The following BCL2L1 variants were observed in gnomAD, a reference collection of about 807,000 sequenced individuals.
BCL2L1 encodes bcl-2-like protein 1.
Under a neutral mutation model 18.7 loss-of-function variants are expected in BCL2L1, and 1 was observed. That is an observed-to-expected ratio of 0.05 (90% confidence interval 0.02 to 0.25). The LOEUF is 0.25. Ranked by LOEUF, BCL2L1 falls within the 10% of genes least tolerant of loss-of-function variation. BCL2L1 has a pLI of 1.00. For synonymous variants in BCL2L1, 103 were observed against 122.7 expected, an observed-to-expected ratio of 0.84 and a Z score of 1.06; for missense variants, 207 against 304.9, an observed-to-expected ratio of 0.68 and a Z score of 2.39.
chr20:31,708,831 G>T (rs1437396671), intron 2 of BCL2L1, among the ~76,000 whole-genome samples: 1 of 152,160 alleles, frequency 6.6e-6, no homozygotes, highest in East Asian at 1.9e-4. Flanking sequence ...GCCTACCTAG[G>T]GTACCCTTCC....
At chr20:31,723,412 G>A, upstream of BCL2L1, 2 of 985,510 alleles carry the variant, frequency 2.0e-6, no homozygotes, top group Non-Finnish European at 2.4e-6. Flanking sequence ...TTTTCCTGGG[G>A]ACAGGCCCAA....
chr20:31,716,236 G>A (rs1417406396), intron 2 of BCL2L1, among the ~76,000 whole-genome samples: 1 of 152,118 alleles, frequency 6.6e-6, no homozygotes, highest in Non-Finnish European at 1.5e-5. Flanking sequence ...ACCTAGAAGG[G>A]TAGAGGAAAG....
intron 2 of BCL2L1, among the ~76,000 whole-genome samples, chr20:31,703,916 G>C (rs993376106): frequency 3.3e-5 from 5 of 150,520 alleles, no homozygotes; most frequent in African/African-American, 1.2e-4. Flanking sequence ...TCCTGCCTCA[G>C]CCTCCCAAGT....
At chr20:31,668,327 T>G (rs1157784366) in intron 2 of BCL2L1, among the ~76,000 whole-genome samples, 2 of 151,988 alleles carry the variant, frequency 1.3e-5, no homozygotes, top group African/African-American at 4.8e-5. Flanking sequence ...TTCTCAGTTT[T>G]TTTTTTTTTT....
intron 2 of BCL2L1, among the ~76,000 whole-genome samples, chr20:31,709,401 G>A (rs112151899): frequency 0.055 from 8,391 of 152,006 alleles, 274 homozygotes; most frequent in Middle Eastern, 0.11. Flanking sequence ...TCCCTCTGTC[G>A]CCCAAGCTGG....
chr20:31,705,081 C>A lies in BCL2L1; in HGVS notation c.564+16574G>T, dbSNP rs370209352. Among the ~76,000 whole-genome samples the A allele has an allele frequency of 1.0e-3, 155 of 152,288 alleles. 3 individuals carry two copies. In the South Asian group the frequency reaches 0.031, roughly 31 times the overall value. ...TAGGGCCTTCCTTATCCAGGTAGGA[C>A]AAGTTGGCTTTGGAGCCAGACTACC... On this transcript the variant is annotated intron_variant, in intron 2 of 2. Transcript: ENST00000307677.
chr20:31,721,871 T>C lies in BCL2L1; in HGVS notation c.348A>G (p.Pro116=), dbSNP rs369606077. 3.7e-5 allele frequency: 60 copies of C among 1,614,098 alleles called. No homozygotes were observed. The highest frequency in any genetic ancestry group is 7.7e-5 in the South Asian group (7 of 91,090). ...GTTCAAAGCTCTGATATGCTGTCCC[T>C]GGGGTGATGTGGAGCTGGGATGTCA... ...SDLTSQLHIT[P]GTAYQSFEQV... Residue 116 remains proline, a synonymous_variant, in exon 2 of 3, where the codon CCA becomes CCG. Coordinates refer to ENST00000307677, the MANE Select transcript of BCL2L1 (RefSeq NM_138578.3).
chr20:31,695,184 C>T (rs547754416), intron 2 of BCL2L1, among the ~76,000 whole-genome samples: 4 of 152,360 alleles, frequency 2.6e-5, no homozygotes, highest in Admixed American at 1.3e-4. Context: ...GTATAAACTG[C>T]TGTTATCACC....
intron 2 of BCL2L1, among the ~76,000 whole-genome samples, chr20:31,685,956 C>T (rs995649483): frequency 5.3e-5 from 8 of 152,132 alleles, no homozygotes; most frequent in East Asian, 1.9e-4. Flanking sequence ...TATTATTATG[C>T]CTCCCTTACA....
intron 2 of BCL2L1, chr20:31,721,000 C>T (rs1015397871): frequency 1.0e-5 from 10 of 984,724 alleles, no homozygotes; most frequent in Non-Finnish European, 1.2e-5. Context: ...TGCAGAAAGT[C>T]GCACACTTTG....
At chr20:31,723,142 C>A, upstream of BCL2L1, 1 of 271,244 alleles carries the variant, frequency 3.7e-6, no homozygotes. Context: ...GATCTGCAAT[C>A]TGACTTTGGG....
intron 2 of BCL2L1, among the ~76,000 whole-genome samples, chr20:31,712,304 T>C (rs894964837): frequency 1.3e-5 from 2 of 152,078 alleles, no homozygotes; most frequent in African/African-American, 4.8e-5. Context: ...TCTTACTAAC[T>C]GTGCTACTTT....
chr20:31,688,447 A>T (rs1414696808), intron 2 of BCL2L1, among the ~76,000 whole-genome samples: 1 of 143,462 alleles, frequency 7.0e-6, no homozygotes, highest in African/African-American at 2.8e-5. Context: ...CTGTCTCCAA[A>T]AAAAAAAAAA....
intron 2 of BCL2L1, among the ~76,000 whole-genome samples, chr20:31,689,652 T>C (rs984560969): frequency 6.6e-6 from 1 of 151,466 alleles, no homozygotes; most frequent in Non-Finnish European, 1.5e-5. Flanking sequence ...GACCACTTTA[T>C]CAGGAACTCC....
intron 2 of BCL2L1, among the ~76,000 whole-genome samples, chr20:31,697,624 A>G (rs910806708): frequency 6.6e-6 from 1 of 151,958 alleles, no homozygotes; most frequent in African/African-American, 2.4e-5. Context: ...TTTTTAGTAG[A>G]GACGGGGTTT....
intron 2 of BCL2L1, among the ~76,000 whole-genome samples, chr20:31,683,598 G>A (rs1466156632): frequency 2.0e-5 from 3 of 151,666 alleles, no homozygotes; most frequent in Non-Finnish European, 4.4e-5. Context: ...GTGAAACCCC[G>A]TCTCTACTAA....
Position 31,664,761 on chromosome 20 carries a change from T to C in BCL2L1, c.*1188A>G, listed in dbSNP as rs1439613768. On this transcript the variant is annotated 3_prime_UTR_variant, in exon 3 of 3. Transcript: ENST00000307677. ...AAGGAATAAAAACTAGTCTCAAATA[T>C]GTACAGCAGAGAGCCCGGGGTGGCT... 4.5e-6 allele frequency: 1 copy of C among 220,290 alleles called. No homozygotes were observed. Among genetic ancestry groups the C allele is most frequent in the Non-Finnish European group, 9.1e-6 (1 of 109,488 alleles). The allele number at this position is 220,290 out of a possible 1,614,324, so 13.6% of individuals were successfully genotyped here.
intron 2 of BCL2L1, among the ~76,000 whole-genome samples, chr20:31,679,417 C>T (rs915992708): frequency 1.3e-5 from 2 of 152,186 alleles, no homozygotes; most frequent in African/African-American, 4.8e-5. Flanking sequence ...AGGCTTCATA[C>T]AGGGACAGAG....
intron 2 of BCL2L1, among the ~76,000 whole-genome samples, chr20:31,667,819 T>G (rs1430682969): frequency 1.3e-5 from 2 of 152,156 alleles, no homozygotes; most frequent in Non-Finnish European, 2.9e-5. Context: ...GTATCCCTGG[T>G]ACCTAGCAAA....
Sources: allele counts gnomAD v4.1 joint callset (sites outside exome capture counted in the v4.1 genomes callset), GRCh38; gene constraint gnomAD v4.1.1; transcripts MANE v1.5; gene names NCBI Gene and HGNC (gene_info 2026-07-23, HGNC 2026-07-21).